ERCC6: variants seen among roughly 807,000 people sequenced by gnomAD.
The protein encoded by ERCC6 is ERCC excision repair 6, chromatin remodeling factor.
Under a neutral mutation model 158.7 loss-of-function variants are expected in ERCC6, and 116 were observed. The observed-to-expected ratio is 0.73, with a 90% CI of 0.63 to 0.85. The LOEUF is 0.85. Ranked by LOEUF, ERCC6 falls within the 40% of genes least tolerant of loss-of-function variation. The probability of loss-of-function intolerance (pLI) is 0.00; values close to 1 mark genes in which losing one functional copy is unlikely to be tolerated. For synonymous variants in ERCC6, 678 were observed against 659.3 expected, an observed-to-expected ratio of 1.03 and a Z score of -0.43; for missense variants, 1,698 against 1,799.4, an observed-to-expected ratio of 0.94 and a Z score of 1.02.
chr10:49,476,349 A>G, intron 11 of ERCC6, 39 bp from the exon 12 acceptor site: 1 of 1,393,420 alleles, frequency 7.2e-7, no homozygotes. Context: ...AATTTCAAAA[A>G]AAAAATTAAC....
chr10:49,524,505 G>C lies in ERCC6; in HGVS notation c.925C>G (p.Gln309Glu). 1.2e-6 allele frequency: 2 copies of C among 1,614,160 alleles called. No individual in the cohort carries two copies. The highest frequency in any genetic ancestry group is 8.5e-7 in the Non-Finnish European group (1 of 1,180,024). ...PAPVTPPAPVQNKNKPNKKAR... is the reference protein window; with the variant it reads ...PAPVTPPAPVENKNKPNKKAR... ...TTCTTGTTTGGTTTGTTTTTATTTT[G>C]CACTGGGGCTGGAGGCGTGACTGGG... Residue 309 changes from glutamine (Q) to glutamate (E), a missense_variant, in exon 5 of 21, where the codon CAA becomes GAA. Transcript: ENST00000355832.
rs1362935450 is a variant in ERCC6, at chr10:49,478,353, C to T, written c.2286+1G>A. 1.3e-6 allele frequency: 2 copies of T among 1,584,498 alleles called. No individual in the cohort carries two copies. The highest frequency in any genetic ancestry group is 1.7e-6 in the Non-Finnish European group (2 of 1,153,044). On this transcript the variant is annotated splice_donor_variant, in intron 11 of 20. Transcript: ENST00000355832. LOFTEE classifies it high-confidence loss of function. ...CTTCGTTAACTCCTGGATTTACAGACCTGTTCATTTTTATCTGGCAAAGAA... is the reference window on the plus strand; with the variant it reads ...CTTCGTTAACTCCTGGATTTACAGATCTGTTCATTTTTATCTGGCAAAGAA...
intron 11 of ERCC6, 80 bp from the exon 12 acceptor site, chr10:49,476,390 T>C: frequency 3.1e-6 from 3 of 963,360 alleles, no homozygotes; most frequent in Admixed American, 2.0e-5. Flanking sequence ...CAAAACTTCC[T>C]GATCAAAAGA....
chr10:49,490,779 C>T (rs1202874594), intron 8 of ERCC6, among the ~76,000 whole-genome samples: 1 of 152,198 alleles, frequency 6.6e-6, no homozygotes. Context: ...GAGAAATTCT[C>T]TTCTCTTCCC....
chr10:49,517,388 C>T (rs894255417), intron 5 of ERCC6, among the ~76,000 whole-genome samples: 1 of 152,142 alleles, frequency 6.6e-6, no homozygotes, highest in African/African-American at 2.4e-5. Flanking sequence ...GACAAGCTCC[C>T]AGCATGCCAG....
the ERCC6 span, among the ~76,000 whole-genome samples, chr10:49,448,157 A>C: frequency 6.6e-6 from 1 of 152,202 alleles, no homozygotes; most frequent in Non-Finnish European, 1.5e-5. Context: ...TCTCACCAGC[A>C]ATGTATAAAG....
chr10:49,535,952 A>G (rs1391817167), intron 1 of ERCC6, among the ~76,000 whole-genome samples: 1 of 152,124 alleles, frequency 6.6e-6, no homozygotes, highest in Admixed American at 6.5e-5. Flanking sequence ...CCCCATCTCT[A>G]CTAAAATACA....
intron 8 of ERCC6, among the ~76,000 whole-genome samples, chr10:49,485,959 G>GTTGTAAT (rs1296516587): frequency 8.5e-5 from 13 of 152,142 alleles, no homozygotes; most frequent in African/African-American, 3.1e-4. Flanking sequence ...GGCACTGAAA[G>GTTGTAAT]TTGTAATATG....
the ERCC6 span, among the ~76,000 whole-genome samples, chr10:49,446,546 C>T: frequency 6.6e-6 from 1 of 152,106 alleles, no homozygotes; most frequent in Non-Finnish European, 1.5e-5. Flanking sequence ...GAGGCCAAAG[C>T]AGGAGGATCA....
intron 11 of ERCC6, 131 bp downstream of exon 11, chr10:49,478,223 G>A (rs1306510155): frequency 1.3e-5 from 10 of 790,424 alleles, no homozygotes; most frequent in Non-Finnish European, 4.6e-6. Flanking sequence ...AGACGCCACA[G>A]CGGGCCTAGC....
rs185624511 is a variant in ERCC6 at position 49,501,690 on chromosome 10, C to T, written c.1527-994G>A. 3.0e-3 allele frequency: 451 copies of T among 152,078 alleles called. 3 individuals are homozygous for T. Among genetic ancestry groups the T allele is most frequent in the African/African-American group, 0.01 (428 of 41,498 alleles). The allele number at this position is 152,078 out of a possible 1,614,324, so 9.4% of individuals were successfully genotyped here. A position where few individuals can be genotyped will look rare whatever the true frequency, so the allele number is the denominator to read the frequency against. ...AGATGATAGGTTAGATGAGGTGGCTCATGCCTGTAAATCCCAGCACTTTGG... is the reference window on the plus strand; with the variant it reads ...AGATGATAGGTTAGATGAGGTGGCTTATGCCTGTAAATCCCAGCACTTTGG... On this transcript the variant is annotated intron_variant, in intron 6 of 20. Transcript: ENST00000355832.
In ERCC6 at chr10:49,456,625, T is replaced by A. The variant is rs939511417; in HGVS notation, c.*2190A>T. ...AGGCAGACTATTGCTTGAACATTTT[T>A]AATGGTGATAGTATTAACATTTAAT... On this transcript the variant is annotated 3_prime_UTR_variant, in exon 21 of 21. Transcript: ENST00000355832. 6.6e-6 allele frequency: 1 copy of A among 152,234 alleles called. No homozygotes were observed. The highest frequency in any genetic ancestry group is 1.5e-5 in the Non-Finnish European group (1 of 68,038). The allele number at this position is 152,234 out of a possible 1,614,324, so 9.4% of individuals were successfully genotyped here.
chr10:49,480,723 A>C (rs1249121634), intron 10 of ERCC6, among the ~76,000 whole-genome samples: 6 of 152,238 alleles, frequency 3.9e-5, no homozygotes, highest in Non-Finnish European at 7.3e-5. Context: ...ATAGTGGAAC[A>C]AACAGACAGC....
chr10:49,468,702 G>A (rs1046825811), intron 18 of ERCC6, among the ~76,000 whole-genome samples: 1 of 152,096 alleles, frequency 6.6e-6, no homozygotes, highest in African/African-American at 2.4e-5. Flanking sequence ...GGCTACGAAA[G>A]CAATGACATA....
intron 17 of ERCC6, 38 bp from the exon 18 acceptor site, chr10:49,470,927 T>C (rs1850767876): frequency 6.2e-7 from 1 of 1,613,688 alleles, no homozygotes; most frequent in Non-Finnish European, 8.5e-7. Context: ...CTATATTGTA[T>C]CATCTTGTGC....
downstream of ERCC6, among the ~76,000 whole-genome samples, chr10:49,449,560 C>CTTTTTTTTTTTTTTTTTTTTTTT (rs71026248): frequency 1.5e-5 from 1 of 68,064 alleles, no homozygotes. Flanking sequence ...ATAGTTAGGT[C>CTTTTTTTTTTTTTTTTTTTTTTT]TTTTTTTTTT....
intron 5 of ERCC6, chr10:49,515,166 T>C (rs1388249997): frequency 6.8e-6 from 9 of 1,315,106 alleles, no homozygotes; most frequent in Non-Finnish European, 6.8e-6. Flanking sequence ...GAAATTCATA[T>C]ATGTTACCTA....
intron 8 of ERCC6, among the ~76,000 whole-genome samples, chr10:49,492,367 T>C (rs184278633): frequency 5.3e-5 from 8 of 152,172 alleles, no homozygotes; most frequent in Non-Finnish European, 1.0e-4. Context: ...TCCCCAATAA[T>C]GTAACCTGCA....
intron 20 of ERCC6, 46 bp downstream of exon 20, chr10:49,460,327 A>G (rs1436177674): frequency 2.2e-6 from 3 of 1,355,486 alleles, no homozygotes; most frequent in Non-Finnish European, 2.1e-6. Context: ...ACAGCATTCA[A>G]TCAAGCAAGT....
Sources: gnomAD v4.1 joint callset for allele counts (sites outside exome capture counted in the v4.1 genomes callset) on GRCh38, gnomAD v4.1.1 for gene constraint, MANE v1.5 for transcripts, NCBI Gene and HGNC (gene_info 2026-07-23, HGNC 2026-07-21) for gene names.